Variants in HDAC5 observed in about 807,000 individuals in gnomAD.
HDAC5 encodes the protein antigen NY-CO-9.
Under a neutral mutation model 133.3 loss-of-function variants are expected in HDAC5, and 25 were observed. The observed-to-expected ratio is 0.19, with a 90% CI of 0.14 to 0.26. The LOEUF (loss-of-function observed/expected upper bound fraction) is 0.26, where lower values mean the gene tolerates loss of function less well. Ranked by LOEUF, HDAC5 falls within the 10% of genes least tolerant of loss-of-function variation. HDAC5 has a pLI of 1.00. For missense variants in HDAC5, 1,041 were observed against 1,460.5 expected, an observed-to-expected ratio of 0.71 and a Z score of 4.68; for synonymous variants, 589 against 610.8, an observed-to-expected ratio of 0.96 and a Z score of 0.53.
Position 44,080,240 on chromosome 17 carries a change from C to T in HDAC5, c.2826-15G>A. 1 of 1,608,788 alleles carries T rather than the reference C, an allele frequency of 6.2e-7. No individual in the cohort carries two copies. The highest frequency in any genetic ancestry group is 8.5e-7 in the Non-Finnish European group (1 of 1,175,206). On this transcript the variant is annotated splice_polypyrimidine_tract_variant and intron_variant, in intron 22 of 26. Coordinates refer to ENST00000682912, the MANE Select transcript of HDAC5 (RefSeq NM_005474.5). ...TCACCACTGTCCTGCAAAGGGATGG[C>T]TCAAGCTGAGCCCGGCAGATGACCA...
chr17:44,084,569 C>T lies in HDAC5; in HGVS notation c.2291G>A (p.Ser764Asn), dbSNP rs557881983. ...TSPLNRQKLD[S>N]KKLLGPISQK... ...TGCCAGCTCACCGAGCAACTTCTTG[C>T]TGTCTAGCTTCTGCCGGTTGAGGGG... The change falls in exon 16 of 27, where the codon AGC (serine) becomes AAC (asparagine). Residue 764 changes from serine to asparagine, a missense_variant. Transcript: ENST00000682912. The T allele has an allele frequency of 1.2e-6, 2 of 1,614,114 alleles. No individual in the cohort carries two copies. The highest frequency in any genetic ancestry group is 4.5e-5 in the East Asian group (2 of 44,878).
rs756973897 is a variant in HDAC5 at position 44,091,787 on chromosome 17, G to T, written c.1077C>A (p.Asn359Lys). 6.2e-7 allele frequency: 1 copy of T among 1,600,868 alleles called. No individual in the cohort carries two copies. The highest frequency in any genetic ancestry group is 8.5e-7 in the Non-Finnish European group (1 of 1,173,736). ...AAGGAGACGTGTAGAGGCTGAACTG[G>T]TTGGGGGAGCTGTCCAGAGGGAGGG... Reference protein sequence around the residue: ...HRALPLDSSPNQFSLYTSPSL... With the variant: ...HRALPLDSSPKQFSLYTSPSL... The change falls in exon 10 of 27, where the codon AAC becomes AAA. Residue 359 changes from asparagine (N) to lysine (K), a missense_variant. Physicochemically the swap from Asn to Lys is moderately conservative, Grantham distance 94 (BLOSUM62 0). Coordinates refer to ENST00000682912, the MANE Select transcript of HDAC5 (RefSeq NM_005474.5).
At chr17:44,096,373 TA>T in intron 3 of HDAC5, among the ~76,000 whole-genome samples, 1 of 151,576 alleles carries the variant, frequency 6.6e-6, no homozygotes, top group East Asian at 1.9e-4. Context: ...TGGCTACCAG[TA>T]TCTTCTGCCT....
In HDAC5 at chr17:44,097,536, G is replaced by A. The variant is rs2051346051; in HGVS notation, c.95-3702C>T. ...TAACTAGCCACAGCCCACGATGGTG[G>A]CAAGGAAATGGCAGCCAGCTCAGGT... On this transcript the variant is annotated intron_variant, in intron 3 of 26. Coordinates refer to ENST00000682912, the MANE Select transcript of HDAC5 (RefSeq NM_005474.5). Among the ~76,000 whole-genome samples, 3 of 152,364 alleles carry A rather than the reference G, an allele frequency of 2.0e-5. No homozygotes were observed. In the South Asian group the frequency reaches 6.2e-4, roughly 32 times the overall value.
chr17:44,119,588 A>T (rs144937614), intron 1 of HDAC5, among the ~76,000 whole-genome samples: 1 of 152,298 alleles, frequency 6.6e-6, no homozygotes, highest in East Asian at 1.9e-4. Context: ...GTCCTATAAA[A>T]TTCAGCAGGA....
Position 44,116,058 on chromosome 17 carries a change from C to A in HDAC5, c.22+1436G>T, listed in dbSNP as rs2052627271. 1.3e-5 allele frequency: 2 copies of A among 152,240 alleles called. No individual in the cohort carries two copies. Among genetic ancestry groups the A allele is most frequent in the Admixed American group, 1.3e-4 (2 of 15,290 alleles). The allele number at this position is 152,240 out of a possible 1,614,324, so 9.4% of individuals were successfully genotyped here. ...ACATTTCCCTGCAAGGGAAAGAAACCCCAAAGCTGGGAAAAATCCTTTCCA... is the reference window on the plus strand; with the variant it reads ...ACATTTCCCTGCAAGGGAAAGAAACACCAAAGCTGGGAAAAATCCTTTCCA... On this transcript the variant is annotated intron_variant, in intron 2 of 26. Coordinates refer to ENST00000682912, the MANE Select transcript of HDAC5 (RefSeq NM_005474.5).
At chr17:44,091,902 G>A in intron 9 of HDAC5, 71 bp from the exon 10 acceptor site, 1 of 1,474,824 alleles carries the variant, frequency 6.8e-7, no homozygotes, top group Non-Finnish European at 9.1e-7. Context: ...GCAACCTGGG[G>A]CCAAGGCCAA....
intron 2 of HDAC5, among the ~76,000 whole-genome samples, chr17:44,111,860 G>T (rs1413298385): frequency 6.6e-6 from 1 of 152,140 alleles, no homozygotes; most frequent in Non-Finnish European, 1.5e-5. Flanking sequence ...GTGTCCCCTG[G>T]TCCCCTTTCC....
intron 3 of HDAC5, among the ~76,000 whole-genome samples, chr17:44,107,719 C>T (rs143403385): frequency 8.5e-4 from 129 of 152,060 alleles, no homozygotes; most frequent in African/African-American, 3.0e-3. Flanking sequence ...ACCCTCCCGG[C>T]ACTACATACC....
At chr17:44,079,757 G>C (rs1205698130) in intron 23 of HDAC5, among the ~76,000 whole-genome samples, 1 of 151,640 alleles carries the variant, frequency 6.6e-6, no homozygotes, top group African/African-American at 2.4e-5. Flanking sequence ...ATAAAATACA[G>C]CATCAGTGAA....
At chr17:44,092,320 G>C (rs775097971) in intron 8 of HDAC5, 36 bp from the exon 9 acceptor site, 1 of 1,612,956 alleles carries the variant, frequency 6.2e-7, no homozygotes, top group Non-Finnish European at 8.5e-7. Context: ...GGCCTGCTGT[G>C]AACTACCCCC....
At chr17:44,118,866 A>G (rs1396032998) in intron 1 of HDAC5, among the ~76,000 whole-genome samples, 3 of 152,194 alleles carry the variant, frequency 2.0e-5, no homozygotes, top group Admixed American at 1.3e-4. Flanking sequence ...ACCTCCTGGC[A>G]GGATTAATTC....
chr17:44,122,783 G>A (rs1448598339), intron 1 of HDAC5, among the ~76,000 whole-genome samples: 5 of 152,106 alleles, frequency 3.3e-5, no homozygotes, highest in East Asian at 1.9e-4. Flanking sequence ...GCTTCCATGA[G>A]ATACAGATCC....
chr17:44,085,326 C>CTTT, intron 14 of HDAC5, 171 bp from the exon 15 acceptor site: 1 of 376,670 alleles, frequency 2.7e-6, no homozygotes, highest in Non-Finnish European at 4.7e-6. Flanking sequence ...TCCTCTCCAG[C>CTTT]TTTTTTTTTT....
chr17:44,078,267 G>A lies in HDAC5; in HGVS notation c.*109C>T. The A allele has an allele frequency of 1.7e-6, 2 of 1,211,228 alleles. No individual in the cohort carries two copies. The highest frequency in any genetic ancestry group is 2.2e-6 in the Non-Finnish European group (2 of 892,094). 75.0% of individuals were successfully genotyped at this position (1,211,228 alleles called of 1,614,324 possible). On this transcript the variant is annotated 3_prime_UTR_variant, in exon 27 of 27. Transcript: ENST00000682912. ...AGCGTAGAGGAGCAGGAGGGGCAAG[G>A]CTGAGAGACCCACACGGCACACCTT...
chr17:44,115,408 C>T (rs547470568), intron 2 of HDAC5, among the ~76,000 whole-genome samples: 6 of 152,206 alleles, frequency 3.9e-5, no homozygotes, highest in South Asian at 2.1e-4. Flanking sequence ...TGGACACCCG[C>T]GTGCTCTGGC....
At chr17:44,089,747 C>CAA (rs869263828) in intron 11 of HDAC5, among the ~76,000 whole-genome samples, 3,201 of 33,966 alleles carry the variant, frequency 0.094, 733 homozygotes, top group East Asian at 0.5. Flanking sequence ...AACTTCGTCT[C>CAA]AAAAAAAAAA....
At chr17:44,089,387 T>A (rs1483796594) in intron 11 of HDAC5, among the ~76,000 whole-genome samples, 1 of 151,712 alleles carries the variant, frequency 6.6e-6, no homozygotes, top group Non-Finnish European at 1.5e-5. Context: ...GGCAGGTGGA[T>A]CACTTGAGGT....
At chr17:44,120,876 G>A (rs1598052422) in intron 1 of HDAC5, among the ~76,000 whole-genome samples, 1 of 152,004 alleles carries the variant, frequency 6.6e-6, no homozygotes, top group East Asian at 1.9e-4. Flanking sequence ...GTTGCCTAGT[G>A]CCTCCCCCAA....
Sources: allele counts gnomAD v4.1 joint callset (sites outside exome capture counted in the v4.1 genomes callset), GRCh38; gene constraint gnomAD v4.1.1; transcripts MANE v1.5; gene names NCBI Gene and HGNC (gene_info 2026-07-23, HGNC 2026-07-21).